Variants in PDE8B observed in about 807,000 individuals in gnomAD.
PDE8B encodes the protein phosphodiesterase 8B, also known as high affinity cAMP-specific and IBMX-insensitive 3',5'-cyclic phosphodiesterase 8B.
PDE8B carries 26 observed loss-of-function variants against 101.3 expected under a neutral mutation model. The ratio of observed to expected loss-of-function variants is 0.26; its 90% confidence interval spans 0.19 to 0.36. PDE8B has a LOEUF of 0.36. Among genes scored for constraint, PDE8B ranks in the 10% least tolerant of loss-of-function variants. PDE8B has a pLI of 1.00. For missense variants in PDE8B, 810 were observed against 1,163.1 expected (o/e 0.70, Z 4.42); for synonymous variants, 424 against 429.3 (o/e 0.99, Z 0.15).
chr5:77,113,388 A>C, the PDE8B span: 1 of 152,284 alleles, frequency 6.6e-6, no homozygotes, highest in Non-Finnish European at 1.5e-5. Context: ...ACCTTTGACA[A>C]ACCTGACAAA....
chr5:77,144,477 T>C, the PDE8B span: 1 of 152,218 alleles, frequency 6.6e-6, no homozygotes, highest in East Asian at 1.9e-4. Context: ...CGGTGTCCGC[T>C]GAAAAGAAGG....
intron 1 of PDE8B, among the ~76,000 whole-genome samples, chr5:77,226,008 CA>C (rs1247830693): frequency 6.6e-6 from 1 of 152,270 alleles, no homozygotes; most frequent in East Asian, 1.9e-4. Context: ...GGTGAGCAGG[CA>C]AATTACTGTG....
chr5:77,401,282 A>G (rs936243124), intron 11 of PDE8B, among the ~76,000 whole-genome samples: 9 of 152,140 alleles, frequency 5.9e-5, no homozygotes, highest in African/African-American at 2.2e-4. Context: ...ACTCACACAC[A>G]TACATTTTAG....
chr5:77,225,845 C>CG (rs1752225460), intron 1 of PDE8B, among the ~76,000 whole-genome samples: 1 of 117,664 alleles, frequency 8.5e-6, no homozygotes. Flanking sequence ...CCCACATGCG[C>CG]GTGCACACAC....
the PDE8B span, among the ~76,000 whole-genome samples, chr5:77,183,832 T>TA: frequency 6.6e-6 from 1 of 152,220 alleles, no homozygotes; most frequent in South Asian, 2.1e-4. Context: ...CACAGTCACA[T>TA]ACAGTACTTG....
At chr5:77,413,423 T>G in intron 17 of PDE8B, 114 bp downstream of exon 17, 2 of 923,272 alleles carry the variant, frequency 2.2e-6, no homozygotes, top group Admixed American at 2.4e-5. Context: ...ACAGCTTTTT[T>G]AAAAAAAAAT....
At chr5:77,192,405 GT>G in the PDE8B span, among the ~76,000 whole-genome samples, 14 of 152,058 alleles carry the variant, frequency 9.2e-5, no homozygotes, top group Non-Finnish European at 2.1e-4. Context: ...CTGTTTTAGA[GT>G]TTCATGTCAA....
chr5:77,199,717 T>A, the PDE8B span, among the ~76,000 whole-genome samples: 1 of 152,150 alleles, frequency 6.6e-6, no homozygotes, highest in East Asian at 1.9e-4. Context: ...GTGTTCAGGT[T>A]AGTGGTAAAC....
chr5:77,349,322 C>T (rs1041482241), intron 7 of PDE8B, 97 bp from the exon 8 acceptor site: 3 of 1,516,102 alleles, frequency 2.0e-6, no homozygotes, highest in Admixed American at 1.7e-5. Flanking sequence ...CTTGATATTC[C>T]TCTGGGTCCC....
At chr5:77,392,281 T>A (rs915617702) in intron 10 of PDE8B, among the ~76,000 whole-genome samples, 1 of 152,204 alleles carries the variant, frequency 6.6e-6, no homozygotes, top group Admixed American at 6.5e-5. Context: ...TATGCAGACC[T>A]ACCCCCCAAA....
chr5:77,109,339 A>G, the PDE8B span, among the ~76,000 whole-genome samples: 1 of 152,232 alleles, frequency 6.6e-6, no homozygotes, highest in Non-Finnish European at 1.5e-5. Flanking sequence ...TTAATGAACA[A>G]AGAAGAGGCT....
chr5:77,388,188 G>T (rs941561696), intron 10 of PDE8B, among the ~76,000 whole-genome samples: 1 of 152,134 alleles, frequency 6.6e-6, no homozygotes, highest in Non-Finnish European at 1.5e-5. Context: ...GCCTTTTTGC[G>T]CTGGTGTCTC....
the PDE8B span, among the ~76,000 whole-genome samples, chr5:77,135,587 C>T: frequency 6.6e-6 from 1 of 151,676 alleles, no homozygotes; most frequent in South Asian, 2.1e-4. Context: ...AGCAGTTCTC[C>T]TGCCTCAGTC....
At chr5:77,296,176 CTTCT>C (rs1768519455) in intron 1 of PDE8B, among the ~76,000 whole-genome samples, 1 of 151,934 alleles carries the variant, frequency 6.6e-6, no homozygotes, top group Non-Finnish European at 1.5e-5. Flanking sequence ...CTTCTTTTTT[CTTCT>C]TTTTTTCTTC....
intron 11 of PDE8B, among the ~76,000 whole-genome samples, 199 bp downstream of exon 11, chr5:77,400,489 G>C (rs991473855): frequency 6.6e-6 from 1 of 152,110 alleles, no homozygotes. Flanking sequence ...CTTCCTTTAT[G>C]GCAACCTTAT....
intron 1 of PDE8B, among the ~76,000 whole-genome samples, chr5:77,216,542 C>T (rs1749774309): frequency 6.6e-6 from 1 of 152,144 alleles, no homozygotes; most frequent in Non-Finnish European, 1.5e-5. Context: ...CCAGGTCCCT[C>T]CCACAACACA....
At position 77,210,907 on chromosome 5, in the gene PDE8B, G is replaced by C; in HGVS notation, c.-19G>C. ...CGGCCGCGGGCGCGGGCGGGCGCGCGGGGGAGCCCGGCCGAGGGATGGGCT... is the reference window on the plus strand; with the variant it reads ...CGGCCGCGGGCGCGGGCGGGCGCGCCGGGGAGCCCGGCCGAGGGATGGGCT... On this transcript the variant is annotated 5_prime_UTR_variant, in exon 1 of 22. Coordinates refer to ENST00000264917, the MANE Select transcript of PDE8B (RefSeq NM_003719.5). The surrounding 1 kb of genome is among the most constrained non-coding windows in gnomAD (Gnocchi z 4.9). 7.6e-7 allele frequency: 1 copy of C among 1,320,258 alleles called. No homozygotes were observed. Among genetic ancestry groups the C allele is most frequent in the East Asian group, 3.2e-5 (1 of 31,112 alleles). The allele number at this position is 1,320,258 out of a possible 1,614,324, so 81.8% of individuals were successfully genotyped here.
At chr5:77,317,761 C>A (rs890830142) in intron 2 of PDE8B, among the ~76,000 whole-genome samples, 2 of 152,068 alleles carry the variant, frequency 1.3e-5, no homozygotes, top group Non-Finnish European at 2.9e-5. Flanking sequence ...GAGTCCCGTC[C>A]CCATTCCCGT....
chr5:77,320,067 A>T (rs1212828296), intron 2 of PDE8B, among the ~76,000 whole-genome samples: 4 of 152,188 alleles, frequency 2.6e-5, no homozygotes, highest in Non-Finnish European at 5.9e-5. Context: ...TGTTGACACA[A>T]ATTTTTAAAG....
Sources: allele counts gnomAD v4.1 joint callset (sites outside exome capture counted in the v4.1 genomes callset), GRCh38; gene constraint gnomAD v4.1.1; non-coding constraint Gnocchi (gnomAD v3.1); transcripts MANE v1.5; gene names NCBI Gene and HGNC (gene_info 2026-07-23, HGNC 2026-07-21).